NPAS3: variants seen among roughly 807,000 people sequenced by gnomAD.
NPAS3 encodes neuronal PAS domain-containing protein 3.
NPAS3 carries 14 observed loss-of-function variants against 73.1 expected under a neutral mutation model. The observed-to-expected ratio is 0.19, with a 90% CI of 0.13 to 0.30. NPAS3 has a LOEUF of 0.30. Among genes scored for constraint, NPAS3 ranks in the 10% least tolerant of loss-of-function variants. NPAS3 has a pLI of 1.00. For missense variants in NPAS3, 1,096 were observed against 1,250.0 expected (o/e 0.88, Z 1.86); for synonymous variants, 620 against 541.5 (o/e 1.14, Z -2.01).
chr14:33,386,846 T>C (rs2046795373), intron 4 of NPAS3, among the ~76,000 whole-genome samples: 1 of 152,206 alleles, frequency 6.6e-6, no homozygotes, highest in Admixed American at 6.5e-5. Flanking sequence ...ATGCTGTTCA[T>C]AACTATGTAT....
At position 33,748,765 on chromosome 14, in the gene NPAS3, C is replaced by T. The variant is rs138156535; in HGVS notation, c.852+13433C>T. Among the ~76,000 whole-genome samples the T allele has an allele frequency of 3.6e-3, 552 of 152,282 alleles. 3 individuals are homozygous for T. Among genetic ancestry groups the T allele is most frequent in the South Asian group, 0.02 (97 of 4,826 alleles). ...GTCATTGATGGTTGGCTGACAGTAC[C>T]TACCCTTGAGCTTCACCCTGTGCAT... is the stretch of plus-strand genomic sequence containing the variant. On this transcript the variant is annotated intron_variant, in intron 7 of 11. Coordinates refer to ENST00000356141, the Ensembl canonical transcript of NPAS3.
chr14:33,189,964 G>T (rs755365791), intron 2 of NPAS3, among the ~76,000 whole-genome samples: 3 of 151,984 alleles, frequency 2.0e-5, no homozygotes, highest in Non-Finnish European at 2.9e-5. Flanking sequence ...ATCGGATGAG[G>T]GATTTGCCTC....
intron 5 of NPAS3, among the ~76,000 whole-genome samples, chr14:33,627,464 C>A (rs1373476353): frequency 1.3e-5 from 2 of 152,140 alleles, no homozygotes; most frequent in Non-Finnish European, 1.5e-5. Context: ...TATCAGTGAT[C>A]TTGAGTCACT....
chr14:33,464,151 G>A (rs2050400993), intron 4 of NPAS3, among the ~76,000 whole-genome samples: 1 of 152,098 alleles, frequency 6.6e-6, no homozygotes, highest in African/African-American at 2.4e-5. Flanking sequence ...TGAGAAAACT[G>A]CAGTTATGGA....
chr14:33,462,856 T>C (rs2050335502), intron 4 of NPAS3, among the ~76,000 whole-genome samples: 1 of 152,216 alleles, frequency 6.6e-6, no homozygotes, highest in Non-Finnish European at 1.5e-5. Flanking sequence ...AATGGAGATA[T>C]TACCACTGGT....
intron 4 of NPAS3, among the ~76,000 whole-genome samples, chr14:33,390,788 A>T (rs1320739871): frequency 6.6e-6 from 1 of 152,176 alleles, no homozygotes; most frequent in Non-Finnish European, 1.5e-5. Context: ...TAGGGTCTAG[A>T]ATCTATAGTT....
intron 1 of NPAS3, among the ~76,000 whole-genome samples, chr14:33,011,121 C>A (rs4587859): frequency 0.59 from 89,645 of 151,964 alleles, 27,830 homozygotes; most frequent in Non-Finnish European, 0.7. Context: ...GAGGCACTTT[C>A]AACCATCATG....
chr14:33,095,960 C>T (rs959324950), intron 2 of NPAS3, among the ~76,000 whole-genome samples: 2 of 151,370 alleles, frequency 1.3e-5, no homozygotes, highest in East Asian at 3.9e-4. Context: ...GGATTACCAG[C>T]GTGAGCCACC....
chr14:33,108,444 G>A lies in NPAS3; in HGVS notation c.140+52450G>A, dbSNP rs1480591886. Among the ~76,000 whole-genome samples, 5 of 151,844 alleles carry A rather than the reference G, an allele frequency of 3.3e-5. No individual in the cohort carries two copies. The South Asian group carries it at 8.3e-4, about 25-fold the overall frequency. Reference sequence around the variant, plus strand: ...CTTCACCTCATGATCCGTCTACCTCGGCCTCCCAAAGTGCTGGGATTACTG... The same window carrying A: ...CTTCACCTCATGATCCGTCTACCTCAGCCTCCCAAAGTGCTGGGATTACTG... On this transcript the variant is annotated intron_variant, in intron 2 of 11. Coordinates refer to ENST00000356141, the Ensembl canonical transcript of NPAS3.
chr14:33,436,044 G>A (rs2048975629), intron 4 of NPAS3, among the ~76,000 whole-genome samples: 1 of 152,162 alleles, frequency 6.6e-6, no homozygotes, highest in African/African-American at 2.4e-5. Context: ...GAGGAGTCAG[G>A]CACATTTCTA....
At chr14:32,960,240 T>C (rs189526741) in intron 1 of NPAS3, among the ~76,000 whole-genome samples, 2,757 of 152,256 alleles carry the variant, frequency 0.018, 89 homozygotes, top group African/African-American at 0.062. Flanking sequence ...TTCCTTACAC[T>C]GATTACCAAA....
At chr14:32,982,050 A>G (rs867917739) in intron 1 of NPAS3, among the ~76,000 whole-genome samples, 8 of 152,274 alleles carry the variant, frequency 5.3e-5, no homozygotes, top group Non-Finnish European at 7.4e-5. Flanking sequence ...TTATGTTGCT[A>G]TAGCAGAATA....
At chr14:33,233,611 A>C (rs990187623) in intron 3 of NPAS3, among the ~76,000 whole-genome samples, 1 of 152,172 alleles carries the variant, frequency 6.6e-6, no homozygotes, top group Non-Finnish European at 1.5e-5. Context: ...AAACATACTG[A>C]GTTAATTATT....
chr14:33,569,609 C>T lies in NPAS3; in HGVS notation c.558+9399C>T, dbSNP rs1277712477. Among the ~76,000 whole-genome samples the T allele has an allele frequency of 2.6e-5, 4 of 151,388 alleles. No homozygotes were observed. In the Admixed American group the frequency reaches 2.7e-4, roughly 10 times the overall value. On this transcript the variant is annotated intron_variant, in intron 5 of 11. Transcript: ENST00000356141. Reference sequence around the variant, plus strand: ...GGTAATCCTGTTTAGCACTGCTTTGCCATGGAAACAAAAAAAAAAATTGGT... The same window carrying T: ...GGTAATCCTGTTTAGCACTGCTTTGTCATGGAAACAAAAAAAAAAATTGGT...
intron 4 of NPAS3, among the ~76,000 whole-genome samples, chr14:33,392,355 T>G (rs1566861156): frequency 6.6e-6 from 1 of 152,168 alleles, no homozygotes; most frequent in South Asian, 2.1e-4. Context: ...GAAATAGCTA[T>G]TAGTATTCCT....
chr14:33,398,252 T>TG (rs141089011), intron 4 of NPAS3, among the ~76,000 whole-genome samples: 3,631 of 152,222 alleles, frequency 0.024, 151 homozygotes, highest in African/African-American at 0.083. Context: ...GCAAACAGCA[T>TG]GCCACACTGT....
intron 2 of NPAS3, among the ~76,000 whole-genome samples, chr14:33,157,302 T>C (rs944271335): frequency 1.2e-4 from 19 of 152,356 alleles, no homozygotes; most frequent in African/African-American, 3.8e-4. Context: ...GAACTCTTCT[T>C]TATCAGAGAA....
At chr14:33,680,676 A>C (rs1158777452) in intron 6 of NPAS3, 1 of 701,808 alleles carries the variant, frequency 1.4e-6, no homozygotes, top group South Asian at 1.5e-5. Context: ...CCTGGATCCT[A>C]CTTCAGAGAG....
intron 1 of NPAS3, among the ~76,000 whole-genome samples, chr14:32,979,671 AG>A (rs1245594364): frequency 6.6e-6 from 1 of 152,210 alleles, no homozygotes; most frequent in Non-Finnish European, 1.5e-5. Flanking sequence ...TGCCCTGTTG[AG>A]GGATTTAAAT....
Sources: allele counts gnomAD v4.1 joint callset (sites outside exome capture counted in the v4.1 genomes callset), GRCh38; gene constraint gnomAD v4.1.1; transcripts MANE v1.5; gene names NCBI Gene and HGNC (gene_info 2026-07-23, HGNC 2026-07-21).